The following GATA5 variants were observed in gnomAD, a reference collection of about 807,000 sequenced individuals.
GATA5 encodes the protein GATA binding protein 5, also known as transcription factor GATA-5.
A neutral mutation model predicts 35.0 loss-of-function variants in GATA5; 27 were observed. The ratio of observed to expected loss-of-function variants is 0.77; its 90% CI spans 0.57 to 1.06. GATA5 has a LOEUF of 1.06. Ranked by LOEUF, GATA5 falls within the 50% of genes least tolerant of loss-of-function variation. The probability of loss-of-function intolerance (pLI) is 0.00; values close to 1 mark genes in which losing one functional copy is unlikely to be tolerated. For missense variants in GATA5, 612 were observed against 580.0 expected, an observed-to-expected ratio of 1.06 and a Z score of -0.57; for synonymous variants, 306 against 267.8, an observed-to-expected ratio of 1.14 and a Z score of -1.39.
chr20:62,466,154 C>T (rs138175303), intron 4 of GATA5, among the ~76,000 whole-genome samples: 109 of 152,318 alleles, frequency 7.2e-4, no homozygotes, highest in South Asian at 3.7e-3. Context: ...CCAGGGGTGC[C>T]CAGAGGGCAG....
At chr20:62,465,600 G>T (rs1555895983) in intron 5 of GATA5, 136 bp from the exon 6 acceptor site, 3 of 1,226,334 alleles carry the variant, frequency 2.4e-6, no homozygotes, top group Non-Finnish European at 3.3e-6. Context: ...AGGCGTGGGT[G>T]GTGTGGCCGG....
At chr20:62,469,731 T>C (rs1041995243) in intron 3 of GATA5, among the ~76,000 whole-genome samples, 14 of 152,224 alleles carry the variant, frequency 9.2e-5, no homozygotes, top group African/African-American at 3.4e-4. Context: ...GGGAAAAACA[T>C]GGACCTCACA....
chr20:62,466,852 T>A (rs1262120915), intron 3 of GATA5, among the ~76,000 whole-genome samples: 1 of 152,042 alleles, frequency 6.6e-6, no homozygotes, highest in Non-Finnish European at 1.5e-5. Flanking sequence ...ACGGCAACGG[T>A]TTCCCTATTG....
chr20:62,475,602 C>A (rs1411137642), intron 1 of GATA5, 60 bp from the exon 2 acceptor site: 6 of 1,122,102 alleles, frequency 5.3e-6, no homozygotes, highest in African/African-American at 1.6e-5. Context: ...CGCCAGCGCC[C>A]GAGCTTATGC....
chr20:62,469,186 T>C (rs538156552), intron 3 of GATA5, among the ~76,000 whole-genome samples: 10 of 152,342 alleles, frequency 6.6e-5, no homozygotes, highest in African/African-American at 2.2e-4. Flanking sequence ...CCAGGATGCC[T>C]AGGTAAATGT....
At chr20:62,472,030 G>C (rs1382192820) in intron 3 of GATA5, among the ~76,000 whole-genome samples, 1 of 151,824 alleles carries the variant, frequency 6.6e-6, no homozygotes, top group Non-Finnish European at 1.5e-5. Flanking sequence ...ATAGGTATGA[G>C]CCACCGTGCC....
Position 62,466,495 on chromosome 20 carries a change from C to T in GATA5, c.756G>A (p.Thr252=), listed in dbSNP as rs782520253. The T allele has an allele frequency of 2.0e-5, 31 of 1,571,274 alleles. No homozygotes were observed. In the East Asian group the frequency reaches 4.0e-4, roughly 20 times the overall value. The change falls in exon 4 of 7, where the codon ACG becomes ACA. Residue 252 remains threonine (T), a synonymous_variant. Transcript: ENST00000252997. The part of the protein sequence containing the change: ...CCTNCHTTNT[T]LWRRNSEGEP... ...CCCCCTCCGAGTTCCGCCGCCACAG[C>T]GTGGTGTTGGTCGTGTGGCAGTTGG... is the stretch of plus-strand genomic sequence containing the variant.
At chr20:62,466,141 G>T (rs1278195608) in intron 4 of GATA5, among the ~76,000 whole-genome samples, 2 of 152,246 alleles carry the variant, frequency 1.3e-5, no homozygotes, top group Admixed American at 6.5e-5. Context: ...GGGCCAGAAG[G>T]CACCAGGGGT....
In GATA5 at chr20:62,471,398, T is replaced by A. The variant is rs187778638; in HGVS notation, c.699+2005A>T. The stretch of plus-strand genomic sequence containing the variant: ...AAAAAATTTAATTTAACTTAAAATG[T>A]AATTAAATTAAAGAGAAGTTAATTT... On this transcript the variant is annotated intron_variant, in intron 3 of 6. Transcript: ENST00000252997. 1.2e-4 allele frequency among the ~76,000 whole-genome samples: 18 copies of A among 149,596 alleles called. No homozygotes were observed. In the East Asian group the frequency reaches 3.0e-3, roughly 25 times the overall value.
chr20:62,474,249 G>GGCGCC (rs1989795698), intron 2 of GATA5, among the ~76,000 whole-genome samples: 1 of 152,194 alleles, frequency 6.6e-6, no homozygotes, highest in African/African-American at 2.4e-5. Context: ...GGCCCGGCCC[G>GGCGCC]GCGCCGGCGC....
intron 1 of GATA5, 59 bp from the exon 2 acceptor site, chr20:62,475,601 C>A: frequency 8.9e-7 from 1 of 1,126,982 alleles, no homozygotes; most frequent in Non-Finnish European, 1.1e-6. Flanking sequence ...CCGCCAGCGC[C>A]CGAGCTTATG....
intron 3 of GATA5, 55 bp from the exon 4 acceptor site, chr20:62,466,606 A>AGGGGGACG: frequency 2.0e-6 from 3 of 1,521,054 alleles, no homozygotes; most frequent in Non-Finnish European, 2.6e-6. Flanking sequence ...CGGCTGGAGC[A>AGGGGGACG]GGGGGACGGA....
chr20:62,465,829 C>CGCACCT lies in GATA5; in HGVS notation c.912_913+4dup. On this transcript the variant is annotated splice_donor_region_variant and intron_variant, in intron 5 of 6. Coordinates refer to ENST00000252997, the MANE Select transcript of GATA5 (RefSeq NM_080473.5). ...CGGGGCTGACTGCAGGGCCTGGCCA[C>CGCACCT]GCACCTGAGGAGCCCCTGGCCTTGG... The CGCACCT allele has an allele frequency of 6.3e-7, 1 of 1,576,766 alleles. No individual in the cohort carries two copies. The highest frequency in any genetic ancestry group is 8.6e-7 in the Non-Finnish European group (1 of 1,159,660).
intron 3 of GATA5, among the ~76,000 whole-genome samples, chr20:62,469,499 C>T (rs1037726723): frequency 2.6e-5 from 4 of 152,208 alleles, no homozygotes; most frequent in African/African-American, 7.2e-5. Context: ...ACACTCCACA[C>T]GTCCCCGCAC....
chr20:62,474,083 G>A (rs1354807900), intron 2 of GATA5, among the ~76,000 whole-genome samples: 1 of 152,196 alleles, frequency 6.6e-6, no homozygotes, highest in African/African-American at 2.4e-5. Flanking sequence ...TGACAGGGGT[G>A]GGGGGTTGGG....
rs1171411281 is a variant in GATA5, at chr20:62,466,340, C to T, written c.825+86G>A. On this transcript the variant is annotated intron_variant, in intron 4 of 6. Transcript: ENST00000252997. ...CAATAGCCATCCTGCCCGCTCCTCC[C>T]CAGCCTCTTGGTCTGAGAGTGCGGA... The T allele has an allele frequency of 4.9e-6, 7 of 1,429,268 alleles. No individual in the cohort carries two copies. In the East Asian group the frequency reaches 1.3e-4, roughly 26 times the overall value. The allele number at this position is 1,429,268 out of a possible 1,614,324, so 88.5% of individuals were successfully genotyped here.
In GATA5 at chr20:62,463,939, A is replaced by G. The variant is rs1989508182; in HGVS notation, c.*897T>C. 1 of 145,976 alleles carries G rather than the reference A, an allele frequency of 6.9e-6. No individual in the cohort carries two copies. The highest frequency in any genetic ancestry group is 2.7e-5 in the African/African-American group (1 of 37,640). The allele number at this position is 145,976 out of a possible 1,614,324, so 9.0% of individuals were successfully genotyped here. On this transcript the variant is annotated 3_prime_UTR_variant, in exon 7 of 7. Transcript: ENST00000252997. ...GCGTCACTCATTAAGGTATCATCCA[A>G]CCCAGTGTGGAGGGGGCTTGCAAGA...
intron 2 of GATA5, among the ~76,000 whole-genome samples, chr20:62,474,334 C>A (rs571220735): frequency 6.6e-5 from 10 of 152,314 alleles, no homozygotes; most frequent in African/African-American, 2.2e-4. Flanking sequence ...CGCCAGCAGC[C>A]GGGCTGTCCA....
chr20:62,465,796 C>T (rs782052278), intron 5 of GATA5, 38 bp downstream of exon 5: 30 of 1,493,878 alleles, frequency 2.0e-5, no homozygotes, highest in Non-Finnish European at 2.7e-5. Flanking sequence ...AAGGCCACTC[C>T]GCAGGAGCGG....
Sources: gnomAD v4.1 joint callset for allele counts (sites outside exome capture counted in the v4.1 genomes callset) on GRCh38, gnomAD v4.1.1 for gene constraint, MANE v1.5 for transcripts, NCBI Gene and HGNC (gene_info 2026-07-23, HGNC 2026-07-21) for gene names.